SYN3: variants seen among roughly 807,000 people sequenced by gnomAD.
SYN3 encodes synapsin-3.
Under a neutral mutation model 65.8 loss-of-function variants are expected in SYN3, and 35 were observed. That is an observed-to-expected ratio of 0.53 (90% CI 0.41 to 0.70). The LOEUF is 0.70. SYN3 is among the 30% of genes least tolerant of loss of function. The pLI is 0.00. For synonymous variants in SYN3, 270 were observed against 292.9 expected, an observed-to-expected ratio of 0.92 and a Z score of 0.80; for missense variants, 680 against 749.0, an observed-to-expected ratio of 0.91 and a Z score of 1.08.
intron 6 of SYN3, among the ~76,000 whole-genome samples, chr22:32,636,634 A>T (rs1237701905): frequency 6.6e-5 from 10 of 152,198 alleles, no homozygotes. Flanking sequence ...AACACTCAGT[A>T]TAGTTGGAAC....
chr22:32,647,453 T>C (rs1442375937), intron 6 of SYN3, among the ~76,000 whole-genome samples: 1 of 148,092 alleles, frequency 6.8e-6, no homozygotes, highest in Non-Finnish European at 1.5e-5. Flanking sequence ...TTCTTTTTCT[T>C]TTTTTTTTTT....
At chr22:33,050,500 C>A (rs112777119) in intron 1 of SYN3, among the ~76,000 whole-genome samples, 3,992 of 120,928 alleles carry the variant, frequency 0.033, 103 homozygotes, top group African/African-American at 0.068. Context: ...AAAAAAAAAA[C>A]AAAACAAAGC....
chr22:32,547,615 A>C (rs1397976585), intron 7 of SYN3, among the ~76,000 whole-genome samples: 1 of 151,914 alleles, frequency 6.6e-6, no homozygotes, highest in African/African-American at 2.4e-5. Flanking sequence ...GTGAGTGTGC[A>C]TGCATGCATG....
intron 6 of SYN3, among the ~76,000 whole-genome samples, chr22:32,634,636 A>G (rs1283723331): frequency 1.3e-5 from 2 of 152,082 alleles, no homozygotes; most frequent in African/African-American, 4.8e-5. Flanking sequence ...TTTTTTGTTC[A>G]CGCTGTTCCC....
chr22:32,821,710 G>A (rs149342842), intron 6 of SYN3, among the ~76,000 whole-genome samples: 2,488 of 152,294 alleles, frequency 0.016, 32 homozygotes, highest in Non-Finnish European at 0.023. Context: ...TCCAGGGGGT[G>A]GATTCCTGAA....
At chr22:32,897,910 C>T (rs2049642158) in intron 4 of SYN3, among the ~76,000 whole-genome samples, 1 of 152,146 alleles carries the variant, frequency 6.6e-6, no homozygotes, top group African/African-American at 2.4e-5. Context: ...GCCTTGAACT[C>T]CTGGGCTCAA....
At chr22:32,614,445 G>T (rs16990849) in intron 6 of SYN3, among the ~76,000 whole-genome samples, 12,267 of 152,252 alleles carry the variant, frequency 0.081, 709 homozygotes, top group East Asian at 0.28. Context: ...GGATTTGATG[G>T]TCCCTTGAGG....
At chr22:32,932,202 G>A (rs1335256101) in intron 3 of SYN3, among the ~76,000 whole-genome samples, 1 of 151,612 alleles carries the variant, frequency 6.6e-6, no homozygotes, top group Middle Eastern at 3.4e-3. Flanking sequence ...ATCATGACTC[G>A]GTGATTATTT....
chr22:32,981,276 AAAT>A (rs1795917644), intron 2 of SYN3, among the ~76,000 whole-genome samples: 1 of 151,654 alleles, frequency 6.6e-6, no homozygotes, highest in African/African-American at 2.4e-5. Flanking sequence ...AGCATCTGTA[AAAT>A]AATGATATTA....
At chr22:32,965,911 G>T (rs908267858) in intron 3 of SYN3, among the ~76,000 whole-genome samples, 1 of 152,160 alleles carries the variant, frequency 6.6e-6, no homozygotes, top group African/African-American at 2.4e-5. Context: ...AGCCAAGGTG[G>T]TCTCGATCTC....
At chr22:32,696,755 AT>A (rs1307929261) in intron 6 of SYN3, among the ~76,000 whole-genome samples, 1 of 151,958 alleles carries the variant, frequency 6.6e-6, no homozygotes, top group African/African-American at 2.4e-5. Flanking sequence ...TACTCTTCCT[AT>A]CCCCTCTCTC....
At chr22:32,703,127 A>G (rs1259306138) in intron 6 of SYN3, among the ~76,000 whole-genome samples, 1 of 152,196 alleles carries the variant, frequency 6.6e-6, no homozygotes, top group Non-Finnish European at 1.5e-5. Flanking sequence ...TATTTTCTTG[A>G]AAAAGTTATC....
intron 3 of SYN3, among the ~76,000 whole-genome samples, chr22:32,962,212 T>A (rs1331585299): frequency 6.9e-6 from 1 of 145,790 alleles, no homozygotes; most frequent in African/African-American, 2.5e-5. Context: ...CTTGGCTCAC[T>A]GCAACCTTTA....
chr22:32,965,636 G>A (rs537737742), intron 3 of SYN3, among the ~76,000 whole-genome samples: 61 of 151,752 alleles, frequency 4.0e-4, no homozygotes, highest in African/African-American at 1.4e-3. Context: ...TTAATTTCTG[G>A]CCCCTGCCAT....
At chr22:32,841,869 AG>A (rs2047915131) in intron 6 of SYN3, among the ~76,000 whole-genome samples, 1 of 152,142 alleles carries the variant, frequency 6.6e-6, no homozygotes, top group Non-Finnish European at 1.5e-5. Flanking sequence ...TTAAAAAAAA[AG>A]TTCATGAGAG....
At chr22:32,535,368 A>T (rs995462025) in intron 9 of SYN3, among the ~76,000 whole-genome samples, 1 of 152,222 alleles carries the variant, frequency 6.6e-6, no homozygotes, top group African/African-American at 2.4e-5. Flanking sequence ...AGGAGAGTTA[A>T]ACGCACAAAC....
intron 4 of SYN3, among the ~76,000 whole-genome samples, chr22:32,885,922 G>A (rs868048532): frequency 2.6e-5 from 4 of 152,076 alleles, no homozygotes; most frequent in African/African-American, 9.7e-5. Flanking sequence ...TGGCTGAAAC[G>A]AACCAGGATT....
At chr22:32,948,297 A>G (rs1289329869) in intron 3 of SYN3, among the ~76,000 whole-genome samples, 2 of 152,172 alleles carry the variant, frequency 1.3e-5, no homozygotes, top group East Asian at 1.9e-4. Context: ...GGACTAGGGC[A>G]TAGACACTGT....
rs192847615 is a variant in SYN3, at chr22:32,945,179, T to C, written c.370-13698A>G. On this transcript the variant is annotated intron_variant, in intron 3 of 13. Coordinates refer to ENST00000358763, the MANE Select transcript of SYN3 (RefSeq NM_003490.4). Reference sequence around the variant, plus strand: ...CTACCAATGACTTTCTTCACAGAACTGGAAATAACTACTTTAAAGTTCATA... The same window carrying C: ...CTACCAATGACTTTCTTCACAGAACCGGAAATAACTACTTTAAAGTTCATA... 3.6e-3 allele frequency among the ~76,000 whole-genome samples: 555 copies of C among 152,274 alleles called. 3 individuals carry two copies. The highest frequency in any genetic ancestry group is 0.02 in the Middle Eastern group (6 of 294).
Sources: gnomAD v4.1 joint callset for allele counts (sites outside exome capture counted in the v4.1 genomes callset) on GRCh38, gnomAD v4.1.1 for gene constraint, MANE v1.5 for transcripts, NCBI Gene and HGNC (gene_info 2026-07-23, HGNC 2026-07-21) for gene names.